Variants in CCDC6 observed in about 807,000 individuals in gnomAD.
CCDC6 encodes coiled-coil domain-containing protein 6.
A neutral mutation model predicts 56.6 loss-of-function variants in CCDC6; 20 were observed. The observed-to-expected ratio is 0.35, with a 90% CI of 0.25 to 0.51. The LOEUF is 0.51. CCDC6 is among the 20% of genes least tolerant of loss of function. The pLI, the probability that CCDC6 is intolerant of heterozygous loss-of-function variation, is 0.95. For synonymous variants in CCDC6, 241 were observed against 234.4 expected, an observed-to-expected ratio of 1.03 and a Z score of -0.26; for missense variants, 367 against 601.1, an observed-to-expected ratio of 0.61 and a Z score of 4.07.
At chr10:59,844,465 T>A (rs2070971473) in intron 2 of CCDC6, among the ~76,000 whole-genome samples, 1 of 149,684 alleles carries the variant, frequency 6.7e-6, no homozygotes, top group South Asian at 2.1e-4. Flanking sequence ...ATTTTTAAAG[T>A]CCTTGCAGGG....
At chr10:59,856,424 A>G (rs2071081086) in intron 1 of CCDC6, among the ~76,000 whole-genome samples, 1 of 152,148 alleles carries the variant, frequency 6.6e-6, no homozygotes, top group Non-Finnish European at 1.5e-5. Flanking sequence ...TGAACCATGC[A>G]TCATAAAAAA....
At chr10:59,812,053 T>C (rs1238084608) in intron 5 of CCDC6, among the ~76,000 whole-genome samples, 10 of 117,076 alleles carry the variant, frequency 8.5e-5, no homozygotes, top group Non-Finnish European at 1.7e-4. Flanking sequence ...AAAAATAAAT[T>C]TGAATAGCCA....
At chr10:59,892,185 A>G (rs1334640340) in intron 1 of CCDC6, among the ~76,000 whole-genome samples, 1 of 152,260 alleles carries the variant, frequency 6.6e-6, no homozygotes. Context: ...AAGAGGGTCA[A>G]AAGTCTCTAT....
intron 1 of CCDC6, among the ~76,000 whole-genome samples, chr10:59,881,069 C>T (rs111907656): frequency 2.0e-5 from 3 of 152,284 alleles, no homozygotes; most frequent in Admixed American, 1.3e-4. Context: ...CCTTCAGCCC[C>T]GCCCAGCAGG....
chr10:59,829,467 C>T lies in CCDC6; in HGVS notation c.582+3058G>A, dbSNP rs183255019. ...CATATGTCCACACAAAAAAATTATA[C>T]GTGAATGTTCATAGCAGCATTCTTC... On this transcript the variant is annotated intron_variant, in intron 3 of 8. Transcript: ENST00000263102. Among the ~76,000 whole-genome samples the T allele has an allele frequency of 2.0e-4, 31 of 152,236 alleles. 1 individual carries two copies. Among genetic ancestry groups the T allele is most frequent in the South Asian group, 2.1e-4 (1 of 4,824 alleles).
chr10:59,824,369 G>A (rs988569175), intron 3 of CCDC6, among the ~76,000 whole-genome samples: 4 of 152,098 alleles, frequency 2.6e-5, no homozygotes, highest in Admixed American at 2.6e-4. Context: ...TGAGTATGGT[G>A]TATTGACCCT....
chr10:59,851,319 T>C (rs2071037472), intron 2 of CCDC6, among the ~76,000 whole-genome samples: 1 of 152,038 alleles, frequency 6.6e-6, no homozygotes, highest in African/African-American at 2.4e-5. Flanking sequence ...TCTCCATCCA[T>C]TTTTCTCTAA....
chr10:59,881,986 G>A (rs1344843296), intron 1 of CCDC6, among the ~76,000 whole-genome samples: 2 of 149,948 alleles, frequency 1.3e-5, no homozygotes, highest in Non-Finnish European at 1.5e-5. Context: ...GGAAGGAGAG[G>A]GAGGGAGAAG....
chr10:59,811,836 A>G (rs184076126), intron 5 of CCDC6, among the ~76,000 whole-genome samples: 2 of 152,318 alleles, frequency 1.3e-5, no homozygotes, highest in East Asian at 3.9e-4. Context: ...TTTATTGAAA[A>G]AAAAATCCAC....
chr10:59,883,209 G>A (rs2071359053), intron 1 of CCDC6, among the ~76,000 whole-genome samples: 1 of 152,132 alleles, frequency 6.6e-6, no homozygotes, highest in South Asian at 2.1e-4. Flanking sequence ...AATACCATGT[G>A]TCTTTGCAAT....
intron 6 of CCDC6, 41 bp downstream of exon 6, chr10:59,806,881 A>AT (rs1201629279): frequency 1.3e-6 from 2 of 1,587,754 alleles, no homozygotes; most frequent in Admixed American, 3.6e-5. Context: ...CCTGGGTTTT[A>AT]TTTTTTAAAC....
chr10:59,804,141 A>G (rs1424609363), intron 7 of CCDC6, among the ~76,000 whole-genome samples: 1 of 152,114 alleles, frequency 6.6e-6, no homozygotes, highest in Non-Finnish European at 1.5e-5. Flanking sequence ...TCATAGTCAA[A>G]GACATTCTTC....
At chr10:59,882,660 C>T (rs971889239) in intron 1 of CCDC6, among the ~76,000 whole-genome samples, 1 of 151,972 alleles carries the variant, frequency 6.6e-6, no homozygotes, top group African/African-American at 2.4e-5. Flanking sequence ...AAGTGGTAAC[C>T]TTAAACATTA....
rs928517866 is a variant in CCDC6, at chr10:59,906,053, G to T, written c.303+69C>A. Reference sequence around the variant, plus strand: ...CTGGGGAAGACTTGGGGGGTGGCTGGATTCGGGTGCAGCCCCTCCCGGGGC... The same window carrying T: ...CTGGGGAAGACTTGGGGGGTGGCTGTATTCGGGTGCAGCCCCTCCCGGGGC... On this transcript the variant is annotated intron_variant, in intron 1 of 8. Transcript: ENST00000263102. The T allele has an allele frequency of 6.6e-6, 9 of 1,358,596 alleles. No homozygotes were observed. The African/African-American group carries it at 1.2e-4, about 18-fold the overall frequency. The allele number at this position is 1,358,596 out of a possible 1,614,324, so 84.2% of individuals were successfully genotyped here. A position where few individuals can be genotyped will look rare whatever the true frequency, so the allele number is the denominator to read the frequency against.
At chr10:59,813,568 T>C (rs1021020199) in intron 4 of CCDC6, among the ~76,000 whole-genome samples, 1 of 152,198 alleles carries the variant, frequency 6.6e-6, no homozygotes, top group African/African-American at 2.4e-5. Context: ...TCCCTTTCCA[T>C]AGCTGCTGGG....
At chr10:59,901,056 C>T (rs895369891) in intron 1 of CCDC6, among the ~76,000 whole-genome samples, 3 of 150,170 alleles carry the variant, frequency 2.0e-5, no homozygotes, top group East Asian at 3.9e-4. Flanking sequence ...GTCACACACA[C>T]ACAAAAAAAA....
intron 1 of CCDC6, among the ~76,000 whole-genome samples, chr10:59,879,473 T>C (rs1374071587): frequency 2.0e-5 from 3 of 152,302 alleles, no homozygotes; most frequent in African/African-American, 7.2e-5. Flanking sequence ...ATCATTCTAC[T>C]GTAGGAAGGA....
intron 2 of CCDC6, among the ~76,000 whole-genome samples, chr10:59,835,622 A>G (rs1275231735): frequency 1.3e-5 from 2 of 152,230 alleles, no homozygotes; most frequent in African/African-American, 4.8e-5. Flanking sequence ...TCCCCCAAAG[A>G]CAGTGCTAAA....
intron 1 of CCDC6, among the ~76,000 whole-genome samples, chr10:59,861,140 T>C (rs2071124479): frequency 1.3e-5 from 2 of 152,042 alleles, no homozygotes; most frequent in South Asian, 2.1e-4. Flanking sequence ...GATCTCACCA[T>C]TGCATTCCAC....
Sources: allele counts gnomAD v4.1 joint callset (sites outside exome capture counted in the v4.1 genomes callset), GRCh38; gene constraint gnomAD v4.1.1; transcripts MANE v1.5; gene names NCBI Gene and HGNC (gene_info 2026-07-23, HGNC 2026-07-21).